The following SYK variants were observed in gnomAD, a reference collection of about 807,000 sequenced individuals.
SYK encodes spleen associated tyrosine kinase, also known as tyrosine-protein kinase SYK.
In SYK, 16 loss-of-function variants were observed where a neutral mutation model predicts 77.8. That is an observed-to-expected ratio of 0.21 (90% CI 0.14 to 0.31). The LOEUF is 0.31. Among genes scored for constraint, SYK ranks in the 10% least tolerant of loss-of-function variants. The pLI is 1.00. For missense variants in SYK, 529 were observed against 814.4 expected (o/e 0.65, Z 4.26); for synonymous variants, 312 against 308.7 (o/e 1.01, Z -0.11).
At chr9:90,807,909 G>A (rs12685044) in intron 1 of SYK, among the ~76,000 whole-genome samples, 1 of 152,092 alleles carries the variant, frequency 6.6e-6, no homozygotes, top group East Asian at 1.9e-4. Flanking sequence ...ATGTGTGCAC[G>A]TCTTCAGAAG....
chr9:90,870,569 G>C (rs1827690391), intron 7 of SYK, among the ~76,000 whole-genome samples: 1 of 152,162 alleles, frequency 6.6e-6, no homozygotes, highest in Admixed American at 6.5e-5. Flanking sequence ...GAGAAAATGT[G>C]TTTTCATATA....
chr9:90,850,278 G>A (rs933074799), intron 3 of SYK, among the ~76,000 whole-genome samples: 1 of 152,206 alleles, frequency 6.6e-6, no homozygotes, highest in African/African-American at 2.4e-5. Flanking sequence ...CAGCACTTTG[G>A]GAGGCTGAGG....
intron 1 of SYK, among the ~76,000 whole-genome samples, chr9:90,842,601 G>A (rs190079062): frequency 6.7e-4 from 102 of 151,330 alleles, no homozygotes; most frequent in African/African-American, 2.2e-3. Context: ...TGTGATGTGT[G>A]TAGTGTGTTT....
At chr9:90,804,224 A>G (rs930868363) in intron 1 of SYK, among the ~76,000 whole-genome samples, 2 of 152,216 alleles carry the variant, frequency 1.3e-5, no homozygotes, top group Non-Finnish European at 2.9e-5. Flanking sequence ...ATTTTCAATC[A>G]TACCGATCAA....
intron 7 of SYK, among the ~76,000 whole-genome samples, chr9:90,872,677 G>C (rs2118857748): frequency 6.6e-6 from 1 of 152,306 alleles, no homozygotes; most frequent in African/African-American, 2.4e-5. Flanking sequence ...CTCTTCATCA[G>C]CATAAAGGCT....
intron 3 of SYK, among the ~76,000 whole-genome samples, chr9:90,861,131 C>T (rs1013365057): frequency 1.2e-4 from 19 of 152,122 alleles, no homozygotes; most frequent in Admixed American, 8.5e-4. Flanking sequence ...CTGGGGGATT[C>T]GCACCCATTT....
intron 10 of SYK, among the ~76,000 whole-genome samples, chr9:90,877,987 GAAC>G (rs1354654173): frequency 2.0e-5 from 3 of 152,232 alleles, no homozygotes; most frequent in African/African-American, 7.2e-5. Flanking sequence ...GTTCAGAGAA[GAAC>G]TCATTTGACA....
At chr9:90,826,769 T>G (rs2118462649) in intron 1 of SYK, among the ~76,000 whole-genome samples, 1 of 152,128 alleles carries the variant, frequency 6.6e-6, no homozygotes, top group Admixed American at 6.5e-5. Flanking sequence ...CTTCACAGAG[T>G]AAGGGAATGT....
At position 90,814,940 on chromosome 9, in the gene SYK, G is replaced by A. The variant is rs144460222; in HGVS notation, c.-42+13047G>A. On this transcript the variant is annotated intron_variant, in intron 1 of 13. Transcript: ENST00000375754. ...ATTTCCTTGCAGCAGCCCTCCAAGC[G>A]GTAACACAGCCTTGGAGAAAGCTAC... 5.7e-3 allele frequency among the ~76,000 whole-genome samples: 862 copies of A among 152,172 alleles called. 6 individuals carry two copies. Among genetic ancestry groups the A allele is most frequent in the African/African-American group, 0.019 (790 of 41,512 alleles).
intron 1 of SYK, among the ~76,000 whole-genome samples, chr9:90,803,483 G>T (rs774911704): frequency 2.6e-5 from 4 of 152,026 alleles, no homozygotes; most frequent in Non-Finnish European, 5.9e-5. Context: ...ATAAAAATGG[G>T]GTGTATACTT....
rs1396287396 is a variant in SYK, at chr9:90,804,948, A to G, written c.-42+3055A>G. Among the ~76,000 whole-genome samples, 3 of 92,938 alleles carry G rather than the reference A, an allele frequency of 3.2e-5. No homozygotes were observed. In the East Asian group the frequency reaches 1.2e-3, roughly 38 times the overall value. 61.0% of individuals were successfully genotyped at this position (92,938 alleles called of 152,430 possible). A position where few individuals can be genotyped will look rare whatever the true frequency, so the allele number is the denominator to read the frequency against. On this transcript the variant is annotated intron_variant, in intron 1 of 13. Transcript: ENST00000375754. The stretch of plus-strand genomic sequence containing the variant: ...ATCTGACCAATATTAGCTTGTATCA[A>G]TTTGAGGTTTTTTTTTCCTTTATGA...
rs200788246 is a variant in SYK at position 90,896,352 on chromosome 9, C to T, written c.*752C>T. On this transcript the variant is annotated 3_prime_UTR_variant, in exon 14 of 14. Coordinates refer to ENST00000375754, the MANE Select transcript of SYK (RefSeq NM_003177.7). ...TCTCTCCTGCAGACTGTCTTGAAGA[C>T]CTGGTGACTGGTAAATAAAGCCCTG... The T allele has an allele frequency of 1.7e-5, 4 of 233,264 alleles. No individual in the cohort carries two copies. The highest frequency in any genetic ancestry group is 1.3e-3 in the Middle Eastern group (1 of 786). 14.4% of individuals were successfully genotyped at this position (233,264 alleles called of 1,614,324 possible).
intron 13 of SYK, among the ~76,000 whole-genome samples, chr9:90,891,141 GCTTTTTTTTT>G (rs775579787): frequency 1.7e-5 from 2 of 115,558 alleles, no homozygotes; most frequent in Non-Finnish European, 3.5e-5. Flanking sequence ...CATGTTGCCT[GCTTTTTTTTT>G]TTTTTTTTTT....
At position 90,843,918 on chromosome 9, in the gene SYK, C is replaced by G. The variant is rs756007618; in HGVS notation, c.20C>G (p.Ala7Gly). The G allele has an allele frequency of 1.3e-6, 2 of 1,546,686 alleles. No individual in the cohort carries two copies. The highest frequency in any genetic ancestry group is 3.8e-5 in the Admixed American group (2 of 53,290). Residue 7 changes from alanine (A) to glycine (G), a missense_variant, in exon 2 of 14, where the codon GCT (alanine) becomes GGT (glycine). Transcript: ENST00000375754. Reference sequence around the variant, plus strand: ...TGAAGCATGGCCAGCAGCGGCATGGCTGACAGCGCCAACCACCTGCCCTTC... The same window carrying G: ...TGAAGCATGGCCAGCAGCGGCATGGGTGACAGCGCCAACCACCTGCCCTTC... MASSGM[A>G]DSANHLPFFF... is the part of the protein sequence containing the mutation.
In SYK at chr9:90,891,393, C is replaced by T. The variant is rs557523494; in HGVS notation, c.1835+2766C>T. Among the ~76,000 whole-genome samples the T allele has an allele frequency of 5.3e-5, 8 of 151,984 alleles. 1 individual carries two copies. The East Asian group carries it at 1.2e-3, about 22-fold the overall frequency. On this transcript the variant is annotated intron_variant, in intron 13 of 13. Transcript: ENST00000375754. The stretch of plus-strand genomic sequence containing the variant: ...CGATCTCCTGACCTCATGATCCGCC[C>T]GCCTCAGCCTTGTTGCCTGCTTTTT...
chr9:90,805,587 G>A (rs1286330327), intron 1 of SYK, among the ~76,000 whole-genome samples: 1 of 152,202 alleles, frequency 6.6e-6, no homozygotes, highest in East Asian at 1.9e-4. Context: ...TACTCTGCCT[G>A]ACTATAAGTA....
At chr9:90,813,289 T>TG (rs1449127424) in intron 1 of SYK, among the ~76,000 whole-genome samples, 2 of 152,100 alleles carry the variant, frequency 1.3e-5, no homozygotes, top group Non-Finnish European at 1.5e-5. Flanking sequence ...CATTAGGGGA[T>TG]GGGCCGCTGC....
At chr9:90,814,261 C>T (rs1006763461) in intron 1 of SYK, among the ~76,000 whole-genome samples, 18 of 152,268 alleles carry the variant, frequency 1.2e-4, no homozygotes, top group Admixed American at 9.8e-4. Context: ...CTGGTCCTGG[C>T]GGTGTGTTTA....
At chr9:90,867,025 T>C in intron 6 of SYK, 106 bp from the exon 7 acceptor site, 1 of 1,193,294 alleles carries the variant, frequency 8.4e-7, no homozygotes, top group Admixed American at 1.8e-5. Flanking sequence ...CAGGAGGGGG[T>C]TAGTGGTGCG....
Sources: allele counts gnomAD v4.1 joint callset (sites outside exome capture counted in the v4.1 genomes callset), GRCh38; gene constraint gnomAD v4.1.1; transcripts MANE v1.5; gene names NCBI Gene and HGNC (gene_info 2026-07-23, HGNC 2026-07-21).